The following CRLF3 variants were observed in gnomAD, a reference collection of about 807,000 sequenced individuals.
The protein encoded by CRLF3 is cytokine receptor like factor 3, also known as cytokine receptor-like factor 3.
CRLF3 carries 33 observed loss-of-function variants against 55.0 expected under a neutral mutation model. That is an observed-to-expected ratio of 0.60 (90% CI 0.46 to 0.80). The LOEUF (loss-of-function observed/expected upper bound fraction) is 0.80. CRLF3 is among the 30% of genes least tolerant of loss of function. The probability of loss-of-function intolerance (pLI) is 0.00; values close to 1 mark genes in which losing one functional copy is unlikely to be tolerated. For synonymous variants in CRLF3, 238 were observed against 196.8 expected, an observed-to-expected ratio of 1.21 and a Z score of -1.75; for missense variants, 494 against 538.4, an observed-to-expected ratio of 0.92 and a Z score of 0.82.
intron 7 of CRLF3, 116 bp downstream of exon 7, chr17:30,785,803 G>T: frequency 4.4e-5 from 23 of 521,406 alleles, no homozygotes; most frequent in Non-Finnish European, 5.6e-5. Context: ...AAAAGAAAAA[G>T]AAAAATACCT....
chr17:30,808,554 C>T (rs1300732388), intron 1 of CRLF3, among the ~76,000 whole-genome samples: 9 of 151,590 alleles, frequency 5.9e-5, no homozygotes, highest in Admixed American at 3.9e-4. Flanking sequence ...TCCCAAAGTG[C>T]TGGAATTACA....
chr17:30,808,277 ATTTTTTTTTTTT>A (rs71138901), intron 1 of CRLF3, among the ~76,000 whole-genome samples: 2 of 54,862 alleles, frequency 3.6e-5, no homozygotes, highest in African/African-American at 6.7e-5. Flanking sequence ...TAGAACCTAT[ATTTTTTTTTTTT>A]TTTTTTTTTT....
intron 2 of CRLF3, among the ~76,000 whole-genome samples, chr17:30,799,055 C>T (rs1017031615): frequency 6.6e-6 from 1 of 151,976 alleles, no homozygotes; most frequent in East Asian, 1.9e-4. Context: ...GGGCAAATCA[C>T]GAGGTCAGGA....
At chr17:30,804,216 T>C in intron 1 of CRLF3, 108 bp from the exon 2 acceptor site, 1 of 724,058 alleles carries the variant, frequency 1.4e-6, no homozygotes. Flanking sequence ...TTCTTCAATT[T>C]AGTAAAAAAA....
intron 1 of CRLF3, among the ~76,000 whole-genome samples, chr17:30,816,949 A>G (rs1239118892): frequency 2.0e-5 from 3 of 152,142 alleles, no homozygotes; most frequent in African/African-American, 4.8e-5. Flanking sequence ...TACAATGACA[A>G]AATCGCCCAA....
chr17:30,805,668 C>T lies in CRLF3; in HGVS notation c.130-1560G>A, dbSNP rs182600232. ...GGCGAAGGTTCCAGTGAACTGAGATCGCGCCATTGCACTCCAGCCTGGGCA... is the reference window on the plus strand; with the variant it reads ...GGCGAAGGTTCCAGTGAACTGAGATTGCGCCATTGCACTCCAGCCTGGGCA... On this transcript the variant is annotated intron_variant, in intron 1 of 7. Transcript: ENST00000324238. Among the ~76,000 whole-genome samples, 9 of 147,828 alleles carry T rather than the reference C, an allele frequency of 6.1e-5. No individual in the cohort carries two copies. In the East Asian group the frequency reaches 8.1e-4, roughly 13 times the overall value.
intron 1 of CRLF3, among the ~76,000 whole-genome samples, chr17:30,811,440 C>CA (rs533199991): frequency 1.3e-3 from 191 of 150,478 alleles, no homozygotes; most frequent in Admixed American, 2.8e-3. Flanking sequence ...GGTGAGAGAG[C>CA]AATACTCTGT....
chr17:30,793,690 A>T lies in CRLF3; in HGVS notation c.604-18T>A, dbSNP rs1971859808. ...TCATCCACCTAGGGAGAAAAGCTTT[A>T]TGTTAGGTAAAAAACAGAAAATGAC... On this transcript the variant is annotated intron_variant, in intron 4 of 7. Transcript: ENST00000324238. 1 of 1,566,066 alleles carries T rather than the reference A, an allele frequency of 6.4e-7. No homozygotes were observed. The highest frequency in any genetic ancestry group is 1.1e-5 in the South Asian group (1 of 88,388).
intron 1 of CRLF3, among the ~76,000 whole-genome samples, chr17:30,817,006 GTGGCT>G (rs1387948391): frequency 6.6e-6 from 1 of 152,130 alleles, no homozygotes; most frequent in Non-Finnish European, 1.5e-5. Flanking sequence ...CTGTATATGT[GTGGCT>G]TTTATTTTTA....
chr17:30,788,610 T>A (rs927829561), intron 6 of CRLF3, among the ~76,000 whole-genome samples: 1 of 137,630 alleles, frequency 7.3e-6, no homozygotes, highest in Non-Finnish European at 1.6e-5. Flanking sequence ...TTTTTTTTTT[T>A]TTTTTTTTTT....
At position 30,784,047 on chromosome 17, in the gene CRLF3, T is replaced by C. The variant is rs1567655287; in HGVS notation, c.*140A>G. On this transcript the variant is annotated 3_prime_UTR_variant, in exon 8 of 8. Coordinates refer to ENST00000324238, the MANE Select transcript of CRLF3 (RefSeq NM_015986.4). The stretch of plus-strand genomic sequence containing the variant: ...ATTGAAGTCTCTTTTTGCTAAAATA[T>C]TACAAAATGAATCCAGTAAACACTT... 3 of 716,766 alleles carry C rather than the reference T, an allele frequency of 4.2e-6. No individual in the cohort carries two copies. Among genetic ancestry groups the C allele is most frequent in the South Asian group, 4.2e-5 (2 of 47,296 alleles). The allele number at this position is 716,766 out of a possible 1,614,324, so 44.4% of individuals were successfully genotyped here.
At chr17:30,824,340 T>G (rs914219163) in intron 1 of CRLF3, among the ~76,000 whole-genome samples, 183 bp downstream of exon 1, 5 of 85,948 alleles carry the variant, frequency 5.8e-5, no homozygotes, top group Admixed American at 1.5e-4. Flanking sequence ...AAACTTCCCC[T>G]TACGACCTCC....
intron 7 of CRLF3, chr17:30,784,892 G>A (rs1352687140): frequency 6.3e-6 from 1 of 158,698 alleles, no homozygotes; most frequent in African/African-American, 2.4e-5. Context: ...TCGGATTACA[G>A]GTATGTACCA....
intron 4 of CRLF3, among the ~76,000 whole-genome samples, chr17:30,794,664 A>C (rs1450208914): frequency 6.6e-6 from 1 of 152,062 alleles, no homozygotes; most frequent in East Asian, 1.9e-4. Context: ...CTGGCTGTGG[A>C]AGCACATGCC....
rs768930147 is a variant in CRLF3, at chr17:30,796,303, A to G, written c.460T>C (p.Cys154Arg). The change falls in exon 4 of 8, where the codon TGT becomes CGT. Residue 154 changes from cysteine to arginine, a missense_variant. By Grantham distance (180) the Cys-to-Arg change is radical. Transcript: ENST00000324238. Reference sequence around the variant, plus strand: ...GAGTCATCCAACTGAGCAGATAAACAAGGCACATCAACCAGTAAAGGTACT... The same window carrying G: ...GAGTCATCCAACTGAGCAGATAAACGAGGCACATCAACCAGTAAAGGTACT... The part of the protein sequence containing the change: ...PEVPLLVDVP[C>R]LSAQLDDSIL... 1 of 1,614,016 alleles carries G rather than the reference A, an allele frequency of 6.2e-7. No homozygotes were observed. Among genetic ancestry groups the G allele is most frequent in the South Asian group, 1.1e-5 (1 of 91,056 alleles).
At chr17:30,818,630 T>G (rs1452950069) in intron 1 of CRLF3, among the ~76,000 whole-genome samples, 1 of 150,966 alleles carries the variant, frequency 6.6e-6, no homozygotes, top group Non-Finnish European at 1.5e-5. Context: ...ATTTTTGTAT[T>G]TTTAGTAAAG....
intron 1 of CRLF3, among the ~76,000 whole-genome samples, chr17:30,820,947 T>C (rs2142277302): frequency 6.6e-6 from 1 of 151,132 alleles, no homozygotes; most frequent in Non-Finnish European, 1.5e-5. Context: ...CCCAGCTACT[T>C]GGGGATCTGA....
rs57194440 is a variant in CRLF3, at chr17:30,815,541, C to CT, written c.129+8981dup. Reference sequence around the variant, plus strand: ...CCGACCAGAAAATGGCTAGTTTCTTCTTTTTTTTTTTTTTTTTTTTGAGAT... The same window carrying CT: ...CCGACCAGAAAATGGCTAGTTTCTTCTTTTTTTTTTTTTTTTTTTTTGAGAT... On this transcript the variant is annotated intron_variant, in intron 1 of 7. Coordinates refer to ENST00000324238, the MANE Select transcript of CRLF3 (RefSeq NM_015986.4). 2.5e-3 allele frequency among the ~76,000 whole-genome samples: 294 copies of CT among 116,384 alleles called. 2 individuals are homozygous for CT. The highest frequency in any genetic ancestry group is 4.5e-3 in the Middle Eastern group (1 of 222). 76.4% of individuals were successfully genotyped at this position (116,384 alleles called of 152,430 possible).
At chr17:30,823,140 G>A (rs1012998751) in intron 1 of CRLF3, among the ~76,000 whole-genome samples, 2 of 152,006 alleles carry the variant, frequency 1.3e-5, no homozygotes, top group Non-Finnish European at 2.9e-5. Flanking sequence ...GAGGCAGGTG[G>A]ATCACGAGGT....
Sources: gnomAD v4.1 joint callset for allele counts (sites outside exome capture counted in the v4.1 genomes callset) on GRCh38, gnomAD v4.1.1 for gene constraint, MANE v1.5 for transcripts, NCBI Gene and HGNC (gene_info 2026-07-23, HGNC 2026-07-21) for gene names.